DPY30: variants seen among roughly 807,000 people sequenced by gnomAD.
The protein encoded by DPY30 is protein dpy-30 homolog.
In DPY30, 6 loss-of-function variants were observed where a neutral mutation model predicts 16.2. The ratio of observed to expected loss-of-function variants is 0.37; its 90% CI spans 0.20 to 0.73. DPY30 has a LOEUF of 0.73. Among genes scored for constraint, DPY30 ranks in the 30% least tolerant of loss-of-function variants. The pLI is 0.51. For synonymous variants in DPY30, 39 were observed against 38.8 expected, an observed-to-expected ratio of 1.00 and a Z score of -0.02; for missense variants, 73 against 113.1, an observed-to-expected ratio of 0.65 and a Z score of 1.61.
At chr2:32,031,202 C>T (rs1323178892) in intron 3 of DPY30, among the ~76,000 whole-genome samples, 1 of 151,960 alleles carries the variant, frequency 6.6e-6, no homozygotes, top group African/African-American at 2.4e-5. Flanking sequence ...GCACGCCGAC[C>T]ATGAGGTCAG....
intron 5 of DPY30, chr2:32,013,026 A>G (rs1349267023): frequency 3.9e-5 from 6 of 152,196 alleles, no homozygotes; most frequent in Admixed American, 3.9e-4. Context: ...CAAATTAGAA[A>G]GTCAGATTTG....
At chr2:32,033,538 G>A (rs1675623173) in intron 3 of DPY30, among the ~76,000 whole-genome samples, 1 of 151,922 alleles carries the variant, frequency 6.6e-6, no homozygotes, top group Non-Finnish European at 1.5e-5. Flanking sequence ...CAGGCGTGGT[G>A]GCACATGCCT....
intron 4 of DPY30, among the ~76,000 whole-genome samples, chr2:32,028,288 G>A (rs773897409): frequency 4.6e-5 from 7 of 151,694 alleles, no homozygotes; most frequent in Non-Finnish European, 5.9e-5. Flanking sequence ...GCTGAGATGA[G>A]ACATGGTTCC....
intron 5 of DPY30, among the ~76,000 whole-genome samples, chr2:32,018,745 C>T (rs1406395002): frequency 1.3e-5 from 2 of 152,076 alleles, no homozygotes; most frequent in South Asian, 4.1e-4. Context: ...TACAGCTAGG[C>T]ATGGTGGCTC....
chr2:32,025,361 G>T (rs1675289158), intron 4 of DPY30, among the ~76,000 whole-genome samples: 1 of 152,102 alleles, frequency 6.6e-6, no homozygotes, highest in African/African-American at 2.4e-5. Flanking sequence ...TACTCAGAAA[G>T]CTGAGGCAGA....
At chr2:32,023,569 T>A (rs1395117842), downstream of DPY30, 1 of 555,614 alleles carries the variant, frequency 1.8e-6, no homozygotes, top group Non-Finnish European at 3.3e-6. Flanking sequence ...TTAGTAGGAA[T>A]GCAATAAATT....
intron 3 of DPY30, among the ~76,000 whole-genome samples, chr2:32,030,412 C>T (rs551756709): frequency 2.1e-4 from 32 of 152,056 alleles, no homozygotes; most frequent in African/African-American, 7.5e-4. Flanking sequence ...GGGCAGATCA[C>T]GAGATCAGGA....
At chr2:32,031,335 G>A (rs1039487024) in intron 3 of DPY30, among the ~76,000 whole-genome samples, 6 of 151,558 alleles carry the variant, frequency 4.0e-5, no homozygotes, top group South Asian at 4.2e-4. Context: ...CAGAAGAATC[G>A]CTTGAACCTG....
At chr2:32,020,045 T>C (rs1675146692), downstream of DPY30, among the ~76,000 whole-genome samples, 1 of 149,694 alleles carries the variant, frequency 6.7e-6, no homozygotes, top group Non-Finnish European at 1.5e-5. Context: ...TATTCAAATG[T>C]TTCATCTATA....
chr2:32,039,565 A>G, intron 1 of DPY30, 73 bp from the exon 2 acceptor site: 1 of 1,476,110 alleles, frequency 6.8e-7, no homozygotes, highest in South Asian at 1.2e-5. Flanking sequence ...AGTGCAGCCC[A>G]GCCCCCGACC....
chr2:32,033,356 C>T (rs2148666416), intron 3 of DPY30, among the ~76,000 whole-genome samples: 1 of 151,456 alleles, frequency 6.6e-6, no homozygotes, highest in East Asian at 2.0e-4. Flanking sequence ...CATTACAATG[C>T]CTACAATAGG....
rs567839606 is a variant in DPY30 at position 32,032,039 on chromosome 2, C to T, written c.85-2303G>A. On this transcript the variant is annotated intron_variant, in intron 3 of 4. Coordinates refer to ENST00000342166, the MANE Select transcript of DPY30 (RefSeq NM_001321209.2). The stretch of plus-strand genomic sequence containing the variant: ...ATACTCAAACTAGATATAAAAGAGT[C>T]GACAAAGAAAAATTTTTCTACTTTT... 3.0e-3 allele frequency among the ~76,000 whole-genome samples: 451 copies of T among 151,646 alleles called. 13 individuals carry two copies. In the Middle Eastern group the frequency reaches 0.041, roughly 14 times the overall value.
chr2:32,039,580 CCCTCACCCCCACCTGGGCGCGGGAGCA>C, intron 1 of DPY30, 88 bp from the exon 2 acceptor site: 1 of 1,323,084 alleles, frequency 7.6e-7, no homozygotes, highest in Non-Finnish European at 1.0e-6. Context: ...CCGACCCCGC[CCCTCACCCCCACCTGGGCGCGGGAGCA>C]CCACGAGCAG....
At chr2:32,022,944 G>A (rs1275471443), downstream of DPY30, among the ~76,000 whole-genome samples, 1 of 152,110 alleles carries the variant, frequency 6.6e-6, no homozygotes, top group Non-Finnish European at 1.5e-5. Context: ...TAATTCTTGG[G>A]GAGGGAGAAG....
intron 4 of DPY30, among the ~76,000 whole-genome samples, chr2:32,025,044 A>C (rs1402661844): frequency 6.6e-6 from 1 of 152,240 alleles, no homozygotes; most frequent in Admixed American, 6.5e-5. Context: ...AAATATGTTT[A>C]CAATGATCTC....
At chr2:32,034,402 T>G (rs1043573728) in intron 3 of DPY30, among the ~76,000 whole-genome samples, 1 of 152,092 alleles carries the variant, frequency 6.6e-6, no homozygotes, top group African/African-American at 2.4e-5. Flanking sequence ...GTGTGTCACA[T>G]AACAAGAGAG....
At chr2:32,036,957 G>A (rs570005448) in intron 3 of DPY30, among the ~76,000 whole-genome samples, 5 of 152,220 alleles carry the variant, frequency 3.3e-5, no homozygotes, top group African/African-American at 1.2e-4. Flanking sequence ...AGTAGCAAGA[G>A]AGAAGACGTT....
At chr2:32,017,779 T>TA (rs1675092386) in intron 5 of DPY30, among the ~76,000 whole-genome samples, 2 of 152,108 alleles carry the variant, frequency 1.3e-5, no homozygotes, top group South Asian at 4.1e-4. Flanking sequence ...GCCAAAGAAA[T>TA]ACAAATACAT....
At chr2:32,039,706 G>C (rs1675893244) in intron 1 of DPY30, 27 bp downstream of exon 1, 1 of 581,508 alleles carries the variant, frequency 1.7e-6, no homozygotes, top group Non-Finnish European at 3.1e-6. Flanking sequence ...GAATAAGTGA[G>C]AAAGTGGGGG....
Sources: gnomAD v4.1 joint callset for allele counts (sites outside exome capture counted in the v4.1 genomes callset) on GRCh38, gnomAD v4.1.1 for gene constraint, MANE v1.5 for transcripts, NCBI Gene and HGNC (gene_info 2026-07-23, HGNC 2026-07-21) for gene names.